Variants in ABCA3 observed in about 807,000 individuals in gnomAD.
ABCA3 encodes the protein ATP binding cassette subfamily A member 3.
In ABCA3, 88 loss-of-function variants were observed where a neutral mutation model predicts 172.8. The ratio of observed to expected loss-of-function variants is 0.51; its 90% confidence interval spans 0.43 to 0.61. The LOEUF (loss-of-function observed/expected upper bound fraction) is 0.61, where lower values mean the gene tolerates loss of function less well. ABCA3 is among the 20% of genes least tolerant of loss of function. The probability of loss-of-function intolerance (pLI) is 0.00; values close to 1 mark genes in which losing one functional copy is unlikely to be tolerated. For synonymous variants in ABCA3, 1,066 were observed against 983.8 expected, an observed-to-expected ratio of 1.08 and a Z score of -1.56; for missense variants, 2,164 against 2,301.0, an observed-to-expected ratio of 0.94 and a Z score of 1.22.
intron 28 of ABCA3, among the ~76,000 whole-genome samples, chr16:2,280,469 C>T (rs1274972753): frequency 2.0e-5 from 3 of 152,218 alleles, no homozygotes; most frequent in Non-Finnish European, 4.4e-5. Flanking sequence ...TGCTCTGGCC[C>T]AGGGCCTCTG....
At position 2,292,145 on chromosome 16, in the gene ABCA3, G is replaced by A; in HGVS notation, c.2508C>T (p.Phe836=). The A allele has an allele frequency of 6.2e-7, 1 of 1,613,078 alleles. No homozygotes were observed. Among genetic ancestry groups the A allele is most frequent in the Non-Finnish European group, 8.5e-7 (1 of 1,179,118 alleles). The change falls in exon 19 of 33, where the codon TTC becomes TTT. Residue 836 remains phenylalanine, a synonymous_variant. Transcript: ENST00000301732. ...GASITTMEEV[F]LRVGKLVDSS... ...GGAAATGCGCATTTACTGACCGAAG[G>A]AAGACTTCCTCCATGGTGGTGATGG...
Position 2,276,483 on chromosome 16 carries a change from G to T in ABCA3, c.*191C>A. ...CCAGAGTATGCAGACATGGAGATGC[G>T]CATGCTGATCCTGGGCATGAGGGCT... On this transcript the variant is annotated 3_prime_UTR_variant, in exon 33 of 33. Transcript: ENST00000301732. 1.0e-6 allele frequency: 1 copy of T among 956,130 alleles called. No homozygotes were observed. The highest frequency in any genetic ancestry group is 1.6e-6 in the Non-Finnish European group (1 of 636,820). The allele number at this position is 956,130 out of a possible 1,614,324, so 59.2% of individuals were successfully genotyped here. A position where few individuals can be genotyped will look rare whatever the true frequency, so the allele number is the denominator to read the frequency against.
intron 2 of ABCA3, among the ~76,000 whole-genome samples, chr16:2,328,996 CTTTTT>C (rs11342708): frequency 7.4e-6 from 1 of 134,288 alleles, no homozygotes; most frequent in Non-Finnish European, 1.6e-5. Flanking sequence ...AAAACTCTTG[CTTTTT>C]TTTTTTTTTA....
At chr16:2,336,857 T>C (rs1011753587) in intron 1 of ABCA3, among the ~76,000 whole-genome samples, 3 of 152,096 alleles carry the variant, frequency 2.0e-5, no homozygotes, top group Non-Finnish European at 2.9e-5. Context: ...ACAATAGTTT[T>C]TGTAGCATTC....
rs34096526 is a variant in ABCA3, at chr16:2,317,365, G to C, written c.1029C>G (p.Pro343=). ...ACAGCAGGAAGGCGAGCACCAGGGA[G>C]GGGTCGCTGCGGGACAGCACGGCTA... ...PNVAVLSRSD[P]SLVLAFLLCF... Residue 343 remains proline, a synonymous_variant, in exon 10 of 33, where the codon CCC becomes CCG. Transcript: ENST00000301732. 1 of 1,613,916 alleles carries C rather than the reference G, an allele frequency of 6.2e-7. No individual in the cohort carries two copies.
chr16:2,298,221 A>G (rs1232347340), intron 15 of ABCA3, among the ~76,000 whole-genome samples, 165 bp downstream of exon 15: 2 of 150,692 alleles, frequency 1.3e-5, no homozygotes, highest in Non-Finnish European at 3.0e-5. Flanking sequence ...GACCCTGGCC[A>G]GCGAGGTTCT....
intron 17 of ABCA3, among the ~76,000 whole-genome samples, chr16:2,296,265 CTG>C: frequency 6.6e-6 from 1 of 151,452 alleles, no homozygotes; most frequent in Middle Eastern, 3.4e-3. Flanking sequence ...AAGTCTCACT[CTG>C]TCACCCAGGC....
At chr16:2,333,262 CT>C (rs2093746310) in intron 1 of ABCA3, among the ~76,000 whole-genome samples, 1 of 152,168 alleles carries the variant, frequency 6.6e-6, no homozygotes, top group Non-Finnish European at 1.5e-5. Flanking sequence ...GTATTCTGAG[CT>C]TGGTTACACC....
rs1384281910 is a variant in ABCA3, at chr16:2,340,554, G to A, written c.-539+19C>T. The stretch of plus-strand genomic sequence containing the variant: ...CCCCGGGAACGAGCGCGCGAGCGGC[G>A]GGTCCCGGCGGCACTCACCGAGCCT... On this transcript the variant is annotated intron_variant, in intron 1 of 32. Coordinates refer to ENST00000301732, the MANE Select transcript of ABCA3 (RefSeq NM_001089.3). 1 of 148,938 alleles carries A rather than the reference G, an allele frequency of 6.7e-6. No individual in the cohort carries two copies. Among genetic ancestry groups the A allele is most frequent in the East Asian group, 1.9e-4 (1 of 5,152 alleles). The allele number at this position is 148,938 out of a possible 1,614,324, so 9.2% of individuals were successfully genotyped here. A position where few individuals can be genotyped will look rare whatever the true frequency, so the allele number is the denominator to read the frequency against.
chr16:2,281,463 A>G lies in ABCA3; in HGVS notation c.4082T>C (p.Val1361Ala), dbSNP rs745882430. 2.5e-6 allele frequency: 4 copies of G among 1,613,684 alleles called. No individual in the cohort carries two copies. The highest frequency in any genetic ancestry group is 1.1e-5 in the South Asian group (1 of 91,086). ...CAGGATGCGGGTCCTCTCGTCCGCT[A>G]CATCTTGGTCCTCAGGAAGCACAGG... ...RMPVLPEDQD[V>A]ADERTRILAP... The change falls in exon 27 of 33, where the codon GTA becomes GCA. Residue 1361 changes from valine (V) to alanine (A), a missense_variant. This residue lies in a region of ABCA3 where 795 missense variants were observed against 881.9 expected (regional missense o/e 0.90). Coordinates refer to ENST00000301732, the MANE Select transcript of ABCA3 (RefSeq NM_001089.3). This position sits in a 1 kb window ranked among gnomAD's most constrained non-coding sequence, Gnocchi z 4.7.
chr16:2,336,400 T>G (rs1265632043), intron 1 of ABCA3, among the ~76,000 whole-genome samples: 1 of 152,058 alleles, frequency 6.6e-6, no homozygotes, highest in Non-Finnish European at 1.5e-5. Flanking sequence ...GTGTAAATGC[T>G]GTTAATAACT....
At chr16:2,316,184 G>A (rs1329945839) in intron 10 of ABCA3, among the ~76,000 whole-genome samples, 7 of 146,718 alleles carry the variant, frequency 4.8e-5, no homozygotes, top group African/African-American at 1.0e-4. Flanking sequence ...GGCAGGTAAC[G>A]GTGGTGTGAG....
intron 18 of ABCA3, among the ~76,000 whole-genome samples, chr16:2,293,049 C>CA (rs2093674532): frequency 6.6e-6 from 1 of 151,330 alleles, no homozygotes; most frequent in African/African-American, 2.4e-5. Flanking sequence ...CTTGAAATAC[C>CA]TTTTTTTTTC....
rs2093697549 is a variant in ABCA3, at chr16:2,306,343, A to C, written c.1285+2107T>G. Among the ~76,000 whole-genome samples, 6 of 152,314 alleles carry C rather than the reference A, an allele frequency of 3.9e-5. No individual in the cohort carries two copies. In the South Asian group the frequency reaches 1.2e-3, roughly 32 times the overall value. On this transcript the variant is annotated intron_variant, in intron 11 of 32. Coordinates refer to ENST00000301732, the MANE Select transcript of ABCA3 (RefSeq NM_001089.3). ...CTATCTCCAAAAAAAAATTGTTAAA[A>C]AGAAAGCAAAAGAACAAAGTTTACA... is the stretch of plus-strand genomic sequence containing the variant.
At position 2,308,511 on chromosome 16, in the gene ABCA3, G is replaced by A; in HGVS notation, c.1224C>T (p.Cys408=). 6.2e-7 allele frequency: 1 copy of A among 1,614,240 alleles called. No homozygotes were observed. Among genetic ancestry groups the A allele is most frequent in the African/African-American group, 1.3e-5 (1 of 75,058 alleles). ...WMTLSQKLCS[C]LLSNVAMAMG... is the part of the protein sequence containing the mutation. ...TTGCCATGGCGACATTAGACAGGAGGCAGGAGCAGAGCTTCTGGCTCAGAG... is the reference window on the plus strand; with the variant it reads ...TTGCCATGGCGACATTAGACAGGAGACAGGAGCAGAGCTTCTGGCTCAGAG... The change falls in exon 11 of 33, where the codon TGC becomes TGT. Residue 408 remains cysteine (C), a synonymous_variant. Coordinates refer to ENST00000301732, the MANE Select transcript of ABCA3 (RefSeq NM_001089.3).
rs770914968 is a variant in ABCA3 at position 2,328,598 on chromosome 16, T to C, written c.-172A>G. 5.8e-6 allele frequency: 3 copies of C among 513,260 alleles called. No individual in the cohort carries two copies. The Admixed American group carries it at 5.9e-5, about 10-fold the overall frequency. 31.8% of individuals were successfully genotyped at this position (513,260 alleles called of 1,614,324 possible). A position where few individuals can be genotyped will look rare whatever the true frequency, so the allele number is the denominator to read the frequency against. Reference sequence around the variant, plus strand: ...TGTCCTGGAGAGGCAGGGAAGGCGATGGAGGAGGGGCAGTCTAGAGAGCCC... The same window carrying C: ...TGTCCTGGAGAGGCAGGGAAGGCGACGGAGGAGGGGCAGTCTAGAGAGCCC... On this transcript the variant is annotated 5_prime_UTR_variant, in exon 3 of 33. Transcript: ENST00000301732.
In ABCA3 at chr16:2,300,079, C is replaced by A; in HGVS notation, c.1537G>T (p.Ala513Ser). The stretch of plus-strand genomic sequence containing the variant: ...GCTTCAAAGTACTCGTTTCTGAGTG[C>A]TTTCTCGGGGTCACTGTCTTCTTCC... ...KEEEDSDPEK[A>S]LRNEYFEAEP... The change falls in exon 13 of 33, where the codon GCA becomes TCA. Residue 513 changes from alanine to serine, a missense_variant. This residue lies in a region of ABCA3 where 1,343 missense variants were observed against 1,369.6 expected (regional missense o/e 0.98). Coordinates refer to ENST00000301732, the MANE Select transcript of ABCA3 (RefSeq NM_001089.3). 6.2e-7 allele frequency: 1 copy of A among 1,613,702 alleles called. No individual in the cohort carries two copies. The highest frequency in any genetic ancestry group is 8.5e-7 in the Non-Finnish European group (1 of 1,179,936).
intron 11 of ABCA3, among the ~76,000 whole-genome samples, chr16:2,306,979 C>CCCT (rs1263548299): frequency 2.1e-5 from 3 of 144,106 alleles, no homozygotes; most frequent in Non-Finnish European, 4.5e-5. Context: ...TGCGCCACTG[C>CCCT]CCTCCAGCCT....
chr16:2,278,988 C>G lies in ABCA3; in HGVS notation c.4502G>C (p.Gly1501Ala), dbSNP rs771562657. 6.8e-6 allele frequency: 11 copies of G among 1,613,540 alleles called. No homozygotes were observed. Among genetic ancestry groups the G allele is most frequent in the Non-Finnish European group, 9.3e-6 (11 of 1,180,032 alleles). The change falls in exon 29 of 33, where the codon GGC becomes GCC. Residue 1501 changes from glycine to alanine, a missense_variant. Around this residue, in one of 3 missense-constraint regions of ABCA3, gnomAD observed 795 missense variants for 881.9 expected, o/e 0.90. Coordinates refer to ENST00000301732, the MANE Select transcript of ABCA3 (RefSeq NM_001089.3). This position sits in a 1 kb window ranked among gnomAD's most constrained non-coding sequence, Gnocchi z 4.4. Reference sequence around the variant, plus strand: ...GTTGGCATGTGGCTCCAGCAGCAGGCCCCGCAGAGTGTTCTCCACGCAGGC... The same window carrying G: ...GTTGGCATGTGGCTCCAGCAGCAGGGCCCGCAGAGTGTTCTCCACGCAGGC... ...IGACVENTLR[G>A]LLLEPHANKL...
Sources: gnomAD v4.1 joint callset for allele counts (sites outside exome capture counted in the v4.1 genomes callset) on GRCh38, gnomAD v4.1.1 for gene constraint, gnomAD v4.1.1 regional missense constraint, Gnocchi (gnomAD v3.1) non-coding constraint, MANE v1.5 for transcripts, NCBI Gene and HGNC (gene_info 2026-07-23, HGNC 2026-07-21) for gene names.